The following SLC13A1 variants were observed in gnomAD, a reference collection of about 807,000 sequenced individuals.
SLC13A1 encodes the protein solute carrier family 13 member 1, also known as Na(+)/sulfate cotransporter.
SLC13A1 carries 65 observed loss-of-function variants against 70.0 expected under a neutral mutation model. The observed-to-expected ratio is 0.93, with a 90% confidence interval of 0.76 to 1.14. SLC13A1 has a LOEUF of 1.14. Among genes scored for constraint, SLC13A1 ranks in the 50% most tolerant of loss-of-function variants. The probability of loss-of-function intolerance (pLI) is 0.00; values close to 1 mark genes in which losing one functional copy is unlikely to be tolerated. For synonymous variants in SLC13A1, 275 were observed against 250.5 expected (o/e 1.10, Z -0.92); for missense variants, 726 against 717.8 (o/e 1.01, Z -0.13).
In SLC13A1 at chr7:123,147,159, G is replaced by C. The variant is rs199595316; in HGVS notation, c.812C>G (p.Thr271Arg). The C allele has an allele frequency of 6.2e-7, 1 of 1,612,468 alleles. No homozygotes were observed. Among genetic ancestry groups the C allele is most frequent in the African/African-American group, 1.3e-5 (1 of 74,830 alleles). Residue 271 changes from threonine to arginine, a missense_variant and splice_region_variant, in exon 7 of 15, where the codon ACA becomes AGA. Coordinates refer to ENST00000194130, the MANE Select transcript of SLC13A1 (RefSeq NM_022444.4). ...TCACCAATCCAATAAGGTTACTTAC[G>C]TATTGAAATACTCTGCAAAGATCAA... The part of the protein sequence containing the change: ...TNLIFAEYFN[T>R]RYPDCRCLNF...
At chr7:123,122,915 C>T (rs1305213895) in intron 12 of SLC13A1, among the ~76,000 whole-genome samples, 1 of 151,976 alleles carries the variant, frequency 6.6e-6, no homozygotes, top group African/African-American at 2.4e-5. Flanking sequence ...TTCTGGAGCA[C>T]CATAAAAACT....
At chr7:123,163,154 G>A (rs966483654) in intron 6 of SLC13A1, among the ~76,000 whole-genome samples, 1 of 152,032 alleles carries the variant, frequency 6.6e-6, no homozygotes, top group Non-Finnish European at 1.5e-5. Flanking sequence ...ATTTCCCATG[G>A]AAATTGTATG....
In SLC13A1 at chr7:123,129,500, C is replaced by A. The variant is rs767084905; in HGVS notation, c.933-19G>T. 20 of 1,594,582 alleles carry A rather than the reference C, an allele frequency of 1.3e-5. No individual in the cohort carries two copies. The South Asian group carries it at 1.7e-4, about 13-fold the overall frequency. The stretch of plus-strand genomic sequence containing the variant: ...CTTAAAACTGCAAAGAATAATTAAG[C>A]CTGTAAGCAAGAAATTCTTTTACTA... On this transcript the variant is annotated intron_variant, in intron 8 of 14. Coordinates refer to ENST00000194130, the MANE Select transcript of SLC13A1 (RefSeq NM_022444.4).
At chr7:123,147,484 C>T (rs537106737) in intron 6 of SLC13A1, among the ~76,000 whole-genome samples, 174 bp from the exon 7 acceptor site, 1 of 151,912 alleles carries the variant, frequency 6.6e-6, no homozygotes, top group East Asian at 1.9e-4. Context: ...AGGATGTGGC[C>T]CTGGTCTGAT....
chr7:123,165,622 G>A (rs572247609), intron 6 of SLC13A1, among the ~76,000 whole-genome samples: 9 of 152,150 alleles, frequency 5.9e-5, no homozygotes, highest in African/African-American at 1.2e-4. Context: ...ATATTGCCCC[G>A]CAGTTTTAAG....
chr7:123,161,602 G>A (rs1426323403), intron 6 of SLC13A1, among the ~76,000 whole-genome samples: 3 of 152,150 alleles, frequency 2.0e-5, no homozygotes, highest in Non-Finnish European at 4.4e-5. Context: ...TGAACTGCAA[G>A]TTTCCAGTGC....
intron 1 of SLC13A1, among the ~76,000 whole-genome samples, chr7:123,188,350 T>C (rs1795883901): frequency 6.6e-6 from 1 of 152,194 alleles, no homozygotes; most frequent in Non-Finnish European, 1.5e-5. Flanking sequence ...CAGTTCTTTA[T>C]AGCACTATGA....
intron 1 of SLC13A1, among the ~76,000 whole-genome samples, chr7:123,184,344 C>G (rs1795731397): frequency 6.6e-6 from 1 of 152,042 alleles, no homozygotes; most frequent in East Asian, 1.9e-4. Context: ...TAACTACAGT[C>G]ACCATGTTGT....
intron 1 of SLC13A1, among the ~76,000 whole-genome samples, chr7:123,181,628 C>T (rs976591599): frequency 4.6e-5 from 7 of 152,132 alleles, no homozygotes; most frequent in African/African-American, 1.4e-4. Flanking sequence ...AGAGAAAAGA[C>T]ATGACAAGTT....
At chr7:123,180,894 C>T in intron 2 of SLC13A1, 79 bp downstream of exon 2, 1 of 1,458,178 alleles carries the variant, frequency 6.9e-7, no homozygotes, top group East Asian at 2.4e-5. Context: ...ATGATTGCTC[C>T]CTTTAAAAAT....
At chr7:123,171,537 TGC>T (rs1188123115) in intron 3 of SLC13A1, among the ~76,000 whole-genome samples, 1 of 152,222 alleles carries the variant, frequency 6.6e-6, no homozygotes, top group African/African-American at 2.4e-5. Context: ...GAAAGTTGTG[TGC>T]ACGTATTCCA....
chr7:123,167,311 A>T (rs1240204784), intron 6 of SLC13A1, among the ~76,000 whole-genome samples: 1 of 152,198 alleles, frequency 6.6e-6, no homozygotes, highest in Non-Finnish European at 1.5e-5. Flanking sequence ...TTCTATCTCT[A>T]AAGATAATAT....
At chr7:123,172,925 A>T (rs928188619) in intron 2 of SLC13A1, among the ~76,000 whole-genome samples, 1 of 152,160 alleles carries the variant, frequency 6.6e-6, no homozygotes, top group Non-Finnish European at 1.5e-5. Context: ...AAAGAGGGGG[A>T]TATCATATAC....
At chr7:123,193,268 C>T (rs547841947) in intron 1 of SLC13A1, among the ~76,000 whole-genome samples, 2 of 151,542 alleles carry the variant, frequency 1.3e-5, no homozygotes, top group East Asian at 3.9e-4. Context: ...TATCCATAGA[C>T]AACATTTGGA....
intron 13 of SLC13A1, among the ~76,000 whole-genome samples, chr7:123,118,649 C>CTAGT (rs1793260501): frequency 1.3e-5 from 2 of 152,070 alleles, no homozygotes; most frequent in Admixed American, 1.3e-4. Context: ...AAGTGTGAGC[C>CTAGT]TAGTTTTTCA....
chr7:123,174,890 C>T (rs1795398559), intron 2 of SLC13A1, among the ~76,000 whole-genome samples: 1 of 151,884 alleles, frequency 6.6e-6, no homozygotes, highest in Non-Finnish European at 1.5e-5. Flanking sequence ...CTCTGCTTGT[C>T]TTGGATACTT....
At chr7:123,118,219 G>A (rs1165722693) in intron 13 of SLC13A1, among the ~76,000 whole-genome samples, 2 of 151,832 alleles carry the variant, frequency 1.3e-5, no homozygotes, top group Non-Finnish European at 2.9e-5. Context: ...ATTTGCTTAG[G>A]GTTCATCATA....
intron 1 of SLC13A1, chr7:123,186,838 A>G (rs967020004): frequency 2.3e-6 from 1 of 438,040 alleles, no homozygotes; most frequent in African/African-American, 2.0e-5. Context: ...ATAGCAACAA[A>G]AATAATGTGT....
At chr7:123,128,050 C>A (rs1793624111) in intron 10 of SLC13A1, among the ~76,000 whole-genome samples, 1 of 151,752 alleles carries the variant, frequency 6.6e-6, no homozygotes, top group South Asian at 2.1e-4. Flanking sequence ...CACAACTCAG[C>A]AATTGATTAC....
Sources: allele counts gnomAD v4.1 joint callset (sites outside exome capture counted in the v4.1 genomes callset), GRCh38; gene constraint gnomAD v4.1.1; transcripts MANE v1.5; gene names NCBI Gene and HGNC (gene_info 2026-07-23, HGNC 2026-07-21).